KIAA0319L: variants seen among roughly 807,000 people sequenced by gnomAD.
KIAA0319L encodes the protein dyslexia-associated protein KIAA0319-like protein.
In KIAA0319L, 55 loss-of-function variants were observed where a neutral mutation model predicts 120.1. The ratio of observed to expected loss-of-function variants is 0.46; its 90% confidence interval spans 0.37 to 0.57. KIAA0319L has a LOEUF of 0.57. Among genes scored for constraint, KIAA0319L ranks in the 20% least tolerant of loss-of-function variants. KIAA0319L has a pLI of 0.00. For synonymous variants in KIAA0319L, 398 were observed against 471.9 expected, an observed-to-expected ratio of 0.84 and a Z score of 2.03; for missense variants, 1,049 against 1,255.3, an observed-to-expected ratio of 0.84 and a Z score of 2.48.
chr1:35,490,776 A>C (rs539749663), intron 3 of KIAA0319L, among the ~76,000 whole-genome samples: 3 of 152,174 alleles, frequency 2.0e-5, no homozygotes, highest in Admixed American at 6.5e-5. Flanking sequence ...GTAATTTCCA[A>C]TGTTGGGGAA....
chr1:35,502,431 T>TCAC (rs1570853473), intron 3 of KIAA0319L, among the ~76,000 whole-genome samples: 2 of 148,306 alleles, frequency 1.3e-5, no homozygotes, highest in East Asian at 3.9e-4. Flanking sequence ...GTCATCATCA[T>TCAC]CATCATCATC....
intron 7 of KIAA0319L, among the ~76,000 whole-genome samples, chr1:35,465,353 T>C (rs1643182891): frequency 1.3e-5 from 2 of 152,052 alleles, no homozygotes; most frequent in Non-Finnish European, 2.9e-5. Flanking sequence ...TCAAAGGAGA[T>C]CATTTTGGAG....
chr1:35,553,055 C>T (rs1207202025), intron 2 of KIAA0319L, among the ~76,000 whole-genome samples: 1 of 151,672 alleles, frequency 6.6e-6, no homozygotes, highest in Non-Finnish European at 1.5e-5. Flanking sequence ...CCACTGCACT[C>T]CAGCCTAGAT....
chr1:35,537,661 T>C (rs937522220), intron 2 of KIAA0319L, among the ~76,000 whole-genome samples: 2 of 139,302 alleles, frequency 1.4e-5, no homozygotes, highest in Admixed American at 7.8e-5. Flanking sequence ...AACTGGGACA[T>C]GTGAGGACTC....
chr1:35,529,983 C>CT (rs1204726576), intron 2 of KIAA0319L, among the ~76,000 whole-genome samples: 1,982 of 138,594 alleles, frequency 0.014, 22 homozygotes, highest in Middle Eastern at 0.031. Flanking sequence ...GTCACAATGC[C>CT]TTTTTTTTTT....
chr1:35,542,973 A>G (rs1396634517), intron 2 of KIAA0319L, among the ~76,000 whole-genome samples: 1 of 152,224 alleles, frequency 6.6e-6, no homozygotes, highest in East Asian at 1.9e-4. Flanking sequence ...TGTCACACAA[A>G]TGGGGAAGTA....
intron 3 of KIAA0319L, among the ~76,000 whole-genome samples, chr1:35,501,739 G>A (rs1321658451): frequency 1.3e-5 from 2 of 152,204 alleles, no homozygotes; most frequent in East Asian, 1.9e-4. Context: ...TTAGCTGGGC[G>A]TGATGGCTCA....
chr1:35,527,389 T>C (rs532364124), intron 2 of KIAA0319L, among the ~76,000 whole-genome samples: 51 of 152,294 alleles, frequency 3.3e-4, no homozygotes, highest in African/African-American at 1.2e-3. Flanking sequence ...ATCAGGGTAA[T>C]GCTGGCTTCA....
chr1:35,541,746 C>G (rs1260862062), intron 2 of KIAA0319L, among the ~76,000 whole-genome samples: 1 of 152,178 alleles, frequency 6.6e-6, no homozygotes, highest in African/African-American at 2.4e-5. Context: ...TGGCCTACCA[C>G]AAGGCCTTGC....
chr1:35,481,408 G>A (rs769144567), intron 3 of KIAA0319L, among the ~76,000 whole-genome samples: 13 of 152,268 alleles, frequency 8.5e-5, no homozygotes, highest in Middle Eastern at 6.8e-3. Flanking sequence ...AGCAACATAC[G>A]AGAGTTCCAG....
At chr1:35,502,075 G>C (rs979684519) in intron 3 of KIAA0319L, among the ~76,000 whole-genome samples, 1 of 151,772 alleles carries the variant, frequency 6.6e-6, no homozygotes, top group Non-Finnish European at 1.5e-5. Context: ...TCAGGAGATC[G>C]AGACCACCCT....
intron 6 of KIAA0319L, among the ~76,000 whole-genome samples, chr1:35,468,043 G>A (rs1558372102): frequency 6.6e-6 from 1 of 151,974 alleles, no homozygotes; most frequent in Non-Finnish European, 1.5e-5. Flanking sequence ...GAACAAATGT[G>A]TCAAATTTCA....
At chr1:35,513,288 A>ATATTTTTTTTTT (rs1414704674) in intron 2 of KIAA0319L, among the ~76,000 whole-genome samples, 2 of 85,340 alleles carry the variant, frequency 2.3e-5, no homozygotes, top group African/African-American at 8.5e-5. Flanking sequence ...ATATATATAT[A>ATATTTTTTTTTT]TTTTTTTTTT....
At position 35,460,405 on chromosome 1, in the gene KIAA0319L, G is replaced by A; in HGVS notation, c.1327C>T (p.His443Tyr). 1 of 1,612,438 alleles carries A rather than the reference G, an allele frequency of 6.2e-7. No homozygotes were observed. The highest frequency in any genetic ancestry group is 8.5e-7 in the Non-Finnish European group (1 of 1,178,774). The change falls in exon 9 of 21, where the codon CAT (histidine) becomes TAT (tyrosine). Residue 443 changes from histidine to tyrosine, a missense_variant. His to Tyr is a moderately conservative substitution (Grantham distance 83). Transcript: ENST00000325722. ...STDDDKIVQYHWEELKGPLRE... is the reference protein window; with the variant it reads ...STDDDKIVQYYWEELKGPLRE... ...AGAGGCCCCTTAAGTTCTTCCCAAT[G>A]GTACTGAACGATTTTATCATCATCA... is the stretch of plus-strand genomic sequence containing the variant.
chr1:35,441,249 GGGTGTCC>G, intron 19 of KIAA0319L, 111 bp from the exon 20 acceptor site: 1 of 837,952 alleles, frequency 1.2e-6, no homozygotes, highest in Non-Finnish European at 2.0e-6. Flanking sequence ...CTACTGAGAG[GGGTGTCC>G]TCTCCTCACT....
At chr1:35,520,415 A>G (rs1645865533) in intron 2 of KIAA0319L, among the ~76,000 whole-genome samples, 2 of 151,930 alleles carry the variant, frequency 1.3e-5, no homozygotes, top group Non-Finnish European at 1.5e-5. Flanking sequence ...TTTCTTTAAG[A>G]CAGGGTCTCA....
chr1:35,475,079 T>C (rs571098242), intron 4 of KIAA0319L, among the ~76,000 whole-genome samples, 173 bp from the exon 5 acceptor site: 1 of 152,262 alleles, frequency 6.6e-6, no homozygotes, highest in Admixed American at 6.5e-5. Context: ...CACTTTTCCA[T>C]TGAAAAGGAT....
chr1:35,448,371 G>A, intron 15 of KIAA0319L, 39 bp from the exon 16 acceptor site: 1 of 1,593,008 alleles, frequency 6.3e-7, no homozygotes, highest in African/African-American at 1.3e-5. Context: ...TTAGAAGTAG[G>A]AGAGTAAACA....
At chr1:35,442,133 T>TG (rs1278476275) in intron 19 of KIAA0319L, 113 bp downstream of exon 19, 1 of 805,900 alleles carries the variant, frequency 1.2e-6, no homozygotes, top group Non-Finnish European at 2.2e-6. Context: ...AACTCTCTAA[T>TG]GCTGACTAAG....
Sources: gnomAD v4.1 joint callset for allele counts (sites outside exome capture counted in the v4.1 genomes callset) on GRCh38, gnomAD v4.1.1 for gene constraint, MANE v1.5 for transcripts, NCBI Gene and HGNC (gene_info 2026-07-23, HGNC 2026-07-21) for gene names.